UGP2: variants seen among roughly 807,000 people sequenced by gnomAD.
UGP2 encodes UTP--glucose-1-phosphate uridylyltransferase.
UGP2 carries 40 observed loss-of-function variants against 49.0 expected under a neutral mutation model. The ratio of observed to expected loss-of-function variants is 0.82; its 90% CI spans 0.63 to 1.06. The LOEUF (loss-of-function observed/expected upper bound fraction) is 1.06. Ranked by LOEUF, UGP2 falls within the 50% of genes least tolerant of loss-of-function variation. The pLI is 0.00. For missense variants in UGP2, 460 were observed against 603.5 expected, an observed-to-expected ratio of 0.76 and a Z score of 2.49; for synonymous variants, 225 against 213.0, an observed-to-expected ratio of 1.06 and a Z score of -0.49.
At chr2:63,852,960 T>C (rs1436391302) in intron 1 of UGP2, among the ~76,000 whole-genome samples, 1 of 152,130 alleles carries the variant, frequency 6.6e-6, no homozygotes, top group Admixed American at 6.6e-5. Context: ...TATCCAGGTG[T>C]CAGAAGTCTT....
chr2:63,882,442 C>T, intron 3 of UGP2, 24 bp from the exon 4 acceptor site: 1 of 1,539,182 alleles, frequency 6.5e-7, no homozygotes, highest in Non-Finnish European at 8.8e-7. Flanking sequence ...TTAAATTACT[C>T]CTATAATGTT....
intron 3 of UGP2, among the ~76,000 whole-genome samples, chr2:63,870,986 A>G (rs1032335273): frequency 6.6e-6 from 1 of 152,260 alleles, no homozygotes; most frequent in African/African-American, 2.4e-5. Context: ...TTGATGGGGC[A>G]TACATGTGTG....
intron 3 of UGP2, among the ~76,000 whole-genome samples, chr2:63,872,450 A>G (rs2042709503): frequency 6.6e-6 from 1 of 152,226 alleles, no homozygotes; most frequent in Non-Finnish European, 1.5e-5. Context: ...GCACTTTGCT[A>G]AGCACTTTAT....
At chr2:63,887,262 C>T (rs1421632491) in intron 7 of UGP2, 140 bp from the exon 8 acceptor site, 4 of 1,141,666 alleles carry the variant, frequency 3.5e-6, no homozygotes, top group Non-Finnish European at 4.9e-6. Context: ...AAGACTCCTT[C>T]TCAAAAAAAA....
rs149883467 is a variant in UGP2, at chr2:63,885,933, C to T, written c.873+47C>T. On this transcript the variant is annotated intron_variant, in intron 6 of 9. Transcript: ENST00000337130. ...TTTAGGGCTTCATGTTTTCACATTT[C>T]GTAAGTTATGAAGTTAAAGACTTTT... 108 of 1,487,940 alleles carry T rather than the reference C, an allele frequency of 7.3e-5. No individual in the cohort carries two copies. In the East Asian group the frequency reaches 1.9e-3, roughly 26 times the overall value. The allele number at this position is 1,487,940 out of a possible 1,614,324, so 92.2% of individuals were successfully genotyped here.
intron 2 of UGP2, among the ~76,000 whole-genome samples, chr2:63,857,171 T>C (rs1241912275): frequency 6.6e-6 from 1 of 151,876 alleles, no homozygotes; most frequent in Non-Finnish European, 1.5e-5. Flanking sequence ...CATGGTGGTA[T>C]GCGCCTGTGG....
At chr2:63,843,327 A>C (rs1299480209) in intron 1 of UGP2, among the ~76,000 whole-genome samples, 2 of 152,256 alleles carry the variant, frequency 1.3e-5, no homozygotes, top group African/African-American at 4.8e-5. Flanking sequence ...TAGACTTTCA[A>C]ATTCATGTTA....
intron 3 of UGP2, among the ~76,000 whole-genome samples, chr2:63,861,703 A>AC (rs398042457): frequency 6.6e-6 from 1 of 151,148 alleles, no homozygotes; most frequent in Non-Finnish European, 1.5e-5. Flanking sequence ...AAAAAAAAAA[A>AC]CAAAAAAACG....
chr2:63,876,334 A>G (rs1455456067), intron 3 of UGP2, among the ~76,000 whole-genome samples: 1 of 152,050 alleles, frequency 6.6e-6, no homozygotes, highest in Non-Finnish European at 1.5e-5. Context: ...GAATCAAATG[A>G]CTAGTACCTT....
chr2:63,875,526 T>C (rs1234343281), intron 3 of UGP2, among the ~76,000 whole-genome samples: 1 of 152,252 alleles, frequency 6.6e-6, no homozygotes, highest in Non-Finnish European at 1.5e-5. Context: ...GTACAGATCA[T>C]GGTAGATAGT....
chr2:63,890,164 T>C lies in UGP2; in HGVS notation c.1398T>C (p.Phe466=), dbSNP rs1200838460. 6.2e-7 allele frequency: 1 copy of C among 1,610,468 alleles called. No homozygotes were observed. The highest frequency in any genetic ancestry group is 8.5e-7 in the Non-Finnish European group (1 of 1,178,514). ...TCACAGTTTCAGGAGATGTGACATT[T>C]GGAAAAAATGTTTCATTAAAGGTAT... is the stretch of plus-strand genomic sequence containing the variant. ...DHLTVSGDVT[F]GKNVSLKGTV... Residue 466 remains phenylalanine (F), a synonymous_variant, in exon 9 of 10, where the codon TTT becomes TTC. Transcript: ENST00000337130.
Position 63,860,351 on chromosome 2 carries a change from C to CA in UGP2, c.255+2416dup. 3.9e-5 allele frequency among the ~76,000 whole-genome samples: 6 copies of CA among 152,298 alleles called. 1 individual carries two copies. The South Asian group carries it at 1.2e-3, about 32-fold the overall frequency. ...AAAGTTTTATTGGAACACACCCACACATTCATTTATGTATTGTCTATAACT... is the reference window on the plus strand; with the variant it reads ...AAAGTTTTATTGGAACACACCCACACAATTCATTTATGTATTGTCTATAACT... On this transcript the variant is annotated intron_variant, in intron 3 of 9. Coordinates refer to ENST00000337130, the MANE Select transcript of UGP2 (RefSeq NM_006759.4).
intron 3 of UGP2, among the ~76,000 whole-genome samples, chr2:63,860,953 G>A (rs1056047184): frequency 1.3e-5 from 2 of 151,796 alleles, no homozygotes; most frequent in Non-Finnish European, 1.5e-5. Flanking sequence ...GGTTTTACTC[G>A]TTCTTACCTT....
chr2:63,868,927 C>T (rs998119277), intron 3 of UGP2, among the ~76,000 whole-genome samples: 7 of 151,070 alleles, frequency 4.6e-5, no homozygotes, highest in African/African-American at 7.3e-5. Context: ...ATCACGCCAT[C>T]GCACTCTAGC....
At chr2:63,855,838 A>T (rs1464392174) in intron 1 of UGP2, 3 of 243,950 alleles carry the variant, frequency 1.2e-5, no homozygotes, top group Non-Finnish European at 2.5e-5. Flanking sequence ...GCCATTGCCC[A>T]GCCTTTTTCT....
Position 63,885,776 on chromosome 2 carries a change from C to T in UGP2, c.763C>T (p.Leu255=). 5.0e-6 allele frequency: 8 copies of T among 1,613,854 alleles called. No individual in the cohort carries two copies. The highest frequency in any genetic ancestry group is 6.8e-6 in the Non-Finnish European group (8 of 1,179,930). The change falls in exon 6 of 10, where the codon CTG becomes TTG. Residue 255 remains leucine, a synonymous_variant. Coordinates refer to ENST00000337130, the MANE Select transcript of UGP2 (RefSeq NM_006759.4). ...TATTTTTGTGTCTAACATAGATAATCTGGGTGCCACAGTGGATCTGTATAT... is the reference window on the plus strand; with the variant it reads ...TATTTTTGTGTCTAACATAGATAATTTGGGTGCCACAGTGGATCTGTATAT... ...EYIFVSNIDN[L]GATVDLYILN...
At chr2:63,889,916 C>T in intron 8 of UGP2, 165 bp from the exon 9 acceptor site, 1 of 577,822 alleles carries the variant, frequency 1.7e-6, no homozygotes, top group South Asian at 2.4e-5. Flanking sequence ...TCCTGCACGG[C>T]ATTTAGCATA....
intron 1 of UGP2, among the ~76,000 whole-genome samples, chr2:63,853,509 T>G (rs994880229): frequency 6.6e-6 from 1 of 152,120 alleles, no homozygotes; most frequent in Admixed American, 6.5e-5. Flanking sequence ...TATCTCTCAT[T>G]GTGGGTTTTC....
intron 3 of UGP2, among the ~76,000 whole-genome samples, chr2:63,881,768 GC>G (rs1305914207): frequency 1.3e-5 from 2 of 152,190 alleles, no homozygotes; most frequent in African/African-American, 4.8e-5. Context: ...ATTTTCTTCA[GC>G]CCCACCTCTT....
Sources: allele counts gnomAD v4.1 joint callset (sites outside exome capture counted in the v4.1 genomes callset), GRCh38; gene constraint gnomAD v4.1.1; transcripts MANE v1.5; gene names NCBI Gene and HGNC (gene_info 2026-07-23, HGNC 2026-07-21).